Variants in FAM149A observed in about 807,000 individuals in gnomAD.
The protein encoded by FAM149A is protein FAM149A.
Under a neutral mutation model 78.2 loss-of-function variants are expected in FAM149A, and 71 were observed. The ratio of observed to expected loss-of-function variants is 0.91; its 90% CI spans 0.75 to 1.11. The LOEUF (loss-of-function observed/expected upper bound fraction) is 1.11, where lower values mean the gene tolerates loss of function less well. FAM149A is among the 50% of genes least tolerant of loss of function. FAM149A has a pLI of 0.00. For synonymous variants in FAM149A, 446 were observed against 410.5 expected (o/e 1.09, Z -1.04); for missense variants, 1,036 against 971.0 (o/e 1.07, Z -0.89).
At chr4:186,141,579 A>T (rs1251873222) in intron 1 of FAM149A, among the ~76,000 whole-genome samples, 1 of 152,220 alleles carries the variant, frequency 6.6e-6, no homozygotes, top group African/African-American at 2.4e-5. Flanking sequence ...GAGAAGAGAC[A>T]AATGAATTAA....
intron 1 of FAM149A, chr4:186,131,978 T>C: frequency 1.0e-6 from 1 of 985,344 alleles, no homozygotes; most frequent in Non-Finnish European, 1.2e-6. Context: ...TTCTTTTGTA[T>C]TTCTTTTTGA....
intron 1 of FAM149A, among the ~76,000 whole-genome samples, chr4:186,126,682 AC>A (rs942135984): frequency 1.3e-5 from 2 of 151,642 alleles, no homozygotes; most frequent in African/African-American, 4.9e-5. Flanking sequence ...CACCCCATTG[AC>A]CCCCCTGGTT....
At chr4:186,128,016 G>A (rs2099319129) in intron 1 of FAM149A, among the ~76,000 whole-genome samples, 1 of 66,990 alleles carries the variant, frequency 1.5e-5, no homozygotes, top group Non-Finnish European at 2.8e-5. Context: ...TTGATACGGA[G>A]TTTCACTTTT....
chr4:186,165,079 C>T (rs983601230), intron 10 of FAM149A, among the ~76,000 whole-genome samples: 5 of 152,180 alleles, frequency 3.3e-5, no homozygotes, highest in African/African-American at 1.2e-4. Flanking sequence ...CTCACTTTCC[C>T]TCTGACCCCC....
intron 1 of FAM149A, among the ~76,000 whole-genome samples, chr4:186,119,749 T>C (rs2099315182): frequency 6.6e-6 from 1 of 152,216 alleles, no homozygotes; most frequent in Admixed American, 6.5e-5. Flanking sequence ...TCGCTCTTTG[T>C]ATAGAAAGGT....
At position 186,105,410 on chromosome 4, in the gene FAM149A, A is replaced by G; in HGVS notation, c.334A>G (p.Thr112Ala). ...GGGTAAAGCCCCGCCCCAGCCCCCC[A>G]CTCCCTCCGGCGGGGGCTGCTCCCC... The change falls in exon 1 of 14, where the codon ACT becomes GCT. Residue 112 changes from threonine to alanine, a missense_variant. By Grantham distance (58) the Thr-to-Ala change is moderately conservative. This residue lies in a region of FAM149A where 316 missense variants were observed against 241.9 expected (regional missense o/e 1.31). Coordinates refer to ENST00000389354, the MANE Select transcript of FAM149A (RefSeq NM_001367768.3). 2 of 1,180,244 alleles carry G rather than the reference A, an allele frequency of 1.7e-6. No individual in the cohort carries two copies. The highest frequency in any genetic ancestry group is 2.1e-6 in the Non-Finnish European group (2 of 942,568). 73.1% of individuals were successfully genotyped at this position (1,180,244 alleles called of 1,614,324 possible).
At position 186,162,785 on chromosome 4, in the gene FAM149A, G is replaced by A. The variant is rs376514679; in HGVS notation, c.1576-60G>A. On this transcript the variant is annotated intron_variant, in intron 8 of 13. Transcript: ENST00000389354. ...TGATTTCGGACAAGCATCAGTCATT[G>A]GAACGGCACTGGGCATTTGTAATTC... 23 of 900,344 alleles carry A rather than the reference G, an allele frequency of 2.6e-5. No individual in the cohort carries two copies. The East Asian group carries it at 5.0e-4, about 19-fold the overall frequency. 55.8% of individuals were successfully genotyped at this position (900,344 alleles called of 1,614,324 possible).
chr4:186,162,797 G>A, intron 8 of FAM149A, 48 bp from the exon 9 acceptor site: 1 of 1,022,550 alleles, frequency 9.8e-7, no homozygotes, highest in Non-Finnish European at 1.5e-6. Flanking sequence ...AACGGCACTG[G>A]GCATTTGTAA....
At position 186,151,905 on chromosome 4, in the gene FAM149A, A is replaced by G; in HGVS notation, c.792A>G (p.Glu264=). 3 of 1,613,924 alleles carry G rather than the reference A, an allele frequency of 1.9e-6. No homozygotes were observed. Among genetic ancestry groups the G allele is most frequent in the Non-Finnish European group, 2.5e-6 (3 of 1,179,864 alleles). The change falls in exon 4 of 14, where the codon GAA becomes GAG. Residue 264 remains glutamate, a splice_region_variant and synonymous_variant. Transcript: ENST00000389354. ...ACCAAGTGTGCATTTCTGTTTAGGA[A>G]TTTGACGAAGCCAGTTCACAGTCAG...
chr4:186,160,140 C>T lies in FAM149A; in HGVS notation c.1575+2421C>T, dbSNP rs182600182. Among the ~76,000 whole-genome samples the T allele has an allele frequency of 1.1e-3, 154 of 140,376 alleles. 5 individuals are homozygous for T. The highest frequency in any genetic ancestry group is 0.011 in the Admixed American group (154 of 14,084). 92.1% of individuals were successfully genotyped at this position (140,376 alleles called of 152,430 possible). A position where few individuals can be genotyped will look rare whatever the true frequency, so the allele number is the denominator to read the frequency against. On this transcript the variant is annotated intron_variant, in intron 8 of 13. Coordinates refer to ENST00000389354, the MANE Select transcript of FAM149A (RefSeq NM_001367768.3). ...ACACACACCACACACCAAACACATA[C>T]CACATACACACACTACACGCACACA...
intron 1 of FAM149A, among the ~76,000 whole-genome samples, chr4:186,106,473 G>C (rs2099308799): frequency 6.6e-6 from 1 of 152,148 alleles, no homozygotes; most frequent in Non-Finnish European, 1.5e-5. Flanking sequence ...CAAAGAAATA[G>C]TGAAATGGTC....
rs1402761181 is a variant in FAM149A, at chr4:186,123,336, G to A, written c.566+17694G>A. 9.1e-6 allele frequency: 9 copies of A among 985,328 alleles called. No homozygotes were observed. The Admixed American group carries it at 5.5e-4, about 61-fold the overall frequency. The allele number at this position is 985,328 out of a possible 1,614,324, so 61.0% of individuals were successfully genotyped here. On this transcript the variant is annotated intron_variant, in intron 1 of 13. Coordinates refer to ENST00000389354, the MANE Select transcript of FAM149A (RefSeq NM_001367768.3). ...TTCTCTAGTCATTGCAAGTTTTCTT[G>A]TCTGTACCTTTATGAGATGGGTGAA...
chr4:186,137,010 CTCTCTCTCTAA>C lies in FAM149A; in HGVS notation c.567-12162_567-12152del, dbSNP rs1157943733. Among the ~76,000 whole-genome samples, 329 of 129,576 alleles carry C rather than the reference CTCTCTCTCTAA, an allele frequency of 2.5e-3. 7 individuals carry two copies. In the East Asian group the frequency reaches 0.03, roughly 12 times the overall value. 85.0% of individuals were successfully genotyped at this position (129,576 alleles called of 152,430 possible). On this transcript the variant is annotated intron_variant, in intron 1 of 13. Coordinates refer to ENST00000389354, the MANE Select transcript of FAM149A (RefSeq NM_001367768.3). ...TCTCTCTCTCTCTCTCTCTCTCTCT[CTCTCTCTCTAA>C]GTGCTTAAAGCAGGGCCTGGTGTGT...
At chr4:186,108,694 A>G (rs1579754225) in intron 1 of FAM149A, among the ~76,000 whole-genome samples, 1 of 151,708 alleles carries the variant, frequency 6.6e-6, no homozygotes, top group East Asian at 1.9e-4. Flanking sequence ...ACGTGATCCA[A>G]CACCTTTGAT....
rs76474102 is a variant in FAM149A, at chr4:186,128,441, T to G, written c.567-20732T>G. On this transcript the variant is annotated intron_variant, in intron 1 of 13. Coordinates refer to ENST00000389354, the MANE Select transcript of FAM149A (RefSeq NM_001367768.3). ...TCTGCAGGGACTCATGTTGCAATTT[T>G]CTGTCTTTGGGAGCCACTCAGCTAA... Among the ~76,000 whole-genome samples the G allele has an allele frequency of 1.3e-4, 20 of 152,038 alleles. No homozygotes were observed. The East Asian group carries it at 3.1e-3, about 24-fold the overall frequency.
Position 186,154,643 on chromosome 4 carries a change from A to G in FAM149A, c.1229+5A>G, listed in dbSNP as rs775057015. ...CGCTTTTGACAGAAAAGAGGAGTAAATAGAATCTTATTTGACATTGACCTC... is the reference window on the plus strand; with the variant it reads ...CGCTTTTGACAGAAAAGAGGAGTAAGTAGAATCTTATTTGACATTGACCTC... On this transcript the variant is annotated splice_donor_5th_base_variant and intron_variant, in intron 6 of 13. Coordinates refer to ENST00000389354, the MANE Select transcript of FAM149A (RefSeq NM_001367768.3). 3.1e-6 allele frequency: 5 copies of G among 1,609,934 alleles called. No homozygotes were observed. Among genetic ancestry groups the G allele is most frequent in the East Asian group, 4.5e-5 (2 of 44,806 alleles).
chr4:186,136,752 G>A (rs1259876186), intron 1 of FAM149A, among the ~76,000 whole-genome samples: 2 of 152,176 alleles, frequency 1.3e-5, no homozygotes, highest in Non-Finnish European at 2.9e-5. Context: ...TTTGTAGGGA[G>A]CTGTGGGAGT....
rs1733282056 is a variant in FAM149A at position 186,149,225 on chromosome 4, G to A, written c.619G>A (p.Asp207Asn). 1.6e-6 allele frequency: 2 copies of A among 1,289,334 alleles called. No individual in the cohort carries two copies. Among genetic ancestry groups the A allele is most frequent in the Non-Finnish European group, 2.0e-6 (2 of 988,704 alleles). 79.9% of individuals were successfully genotyped at this position (1,289,334 alleles called of 1,614,324 possible). Residue 207 changes from aspartate to asparagine, a missense_variant, in exon 2 of 14, where the codon GAT becomes AAT. Around this residue, in one of 3 missense-constraint regions of FAM149A, gnomAD observed 716 missense variants for 711.8 expected, o/e 1.01. Coordinates refer to ENST00000389354, the MANE Select transcript of FAM149A (RefSeq NM_001367768.3). ...GCACGGTTTTACTGTGAGGAGCAAA[G>A]ATTCTTTACCTACGCATTTTACAAG... is the stretch of plus-strand genomic sequence containing the variant.
intron 13 of FAM149A, among the ~76,000 whole-genome samples, chr4:186,170,615 G>A (rs568034249): frequency 1.3e-5 from 2 of 152,310 alleles, no homozygotes; most frequent in South Asian, 4.1e-4. Context: ...AGCCTGGTGA[G>A]CTCTAAGCCC....
Sources: allele counts gnomAD v4.1 joint callset (sites outside exome capture counted in the v4.1 genomes callset), GRCh38; gene constraint gnomAD v4.1.1; regional missense constraint gnomAD v4.1.1; transcripts MANE v1.5; gene names NCBI Gene and HGNC (gene_info 2026-07-23, HGNC 2026-07-21).